Variants in LRRTM4 observed in about 807,000 individuals in gnomAD.
LRRTM4 encodes the protein leucine-rich repeat transmembrane neuronal protein 4.
Under a neutral mutation model 47.6 loss-of-function variants are expected in LRRTM4, and 25 were observed. That is an observed-to-expected ratio of 0.53 (90% CI 0.38 to 0.73). The LOEUF (loss-of-function observed/expected upper bound fraction) is 0.73, where lower values mean the gene tolerates loss of function less well. Ranked by LOEUF, LRRTM4 falls within the 30% of genes least tolerant of loss-of-function variation. LRRTM4 has a pLI of 0.00. For missense variants in LRRTM4, 638 were observed against 713.4 expected (o/e 0.89, Z 1.20); for synonymous variants, 311 against 269.5 (o/e 1.15, Z -1.51).
At position 77,239,001 on chromosome 2, in the gene LRRTM4, AT is replaced by A. The variant is rs1302802385; in HGVS notation, c.1551+279316del. On this transcript the variant is annotated intron_variant, in intron 3 of 3. Coordinates refer to ENST00000409884, the MANE Select transcript of LRRTM4 (RefSeq NM_001134745.3). The stretch of plus-strand genomic sequence containing the variant: ...TATATAAACCTACAAGGTACCCACA[AT>A]TTTTTTAAATAAAAAAATTTAAAAA... 2.6e-5 allele frequency among the ~76,000 whole-genome samples: 4 copies of A among 151,954 alleles called. No individual in the cohort carries two copies. In the East Asian group the frequency reaches 7.8e-4, roughly 29 times the overall value.
chr2:77,152,043 G>T (rs1039412453), intron 3 of LRRTM4, among the ~76,000 whole-genome samples: 4 of 152,162 alleles, frequency 2.6e-5, no homozygotes, highest in Admixed American at 1.3e-4. Flanking sequence ...AATATTAAAA[G>T]TTAGATGTAG....
chr2:76,829,563 C>A (rs994596396), intron 3 of LRRTM4, among the ~76,000 whole-genome samples: 1 of 151,964 alleles, frequency 6.6e-6, no homozygotes, highest in Non-Finnish European at 1.5e-5. Context: ...CTTCCCCTCA[C>A]TCTCTGTAAT....
chr2:76,759,942 T>C (rs1340612994), intron 3 of LRRTM4, among the ~76,000 whole-genome samples: 8 of 152,210 alleles, frequency 5.3e-5, no homozygotes, highest in African/African-American at 1.9e-4. Context: ...ATATTCTTAA[T>C]GATGCTCATG....
At chr2:77,482,677 C>A (rs1394330293) in intron 3 of LRRTM4, among the ~76,000 whole-genome samples, 1 of 151,946 alleles carries the variant, frequency 6.6e-6, no homozygotes, top group Non-Finnish European at 1.5e-5. Context: ...TACAAATAAC[C>A]GTGGTAATTA....
intron 3 of LRRTM4, among the ~76,000 whole-genome samples, chr2:77,315,508 G>A (rs1677593152): frequency 6.6e-6 from 1 of 152,024 alleles, no homozygotes; most frequent in Non-Finnish European, 1.5e-5. Flanking sequence ...GTAAAATACA[G>A]CTTTTAAAAA....
chr2:76,879,028 A>C (rs2104097286), intron 3 of LRRTM4, among the ~76,000 whole-genome samples: 3 of 152,304 alleles, frequency 2.0e-5, no homozygotes, highest in Admixed American at 2.0e-4. Flanking sequence ...TGCAGAAATA[A>C]AGTTCGAAGC....
At chr2:77,280,005 G>A (rs751644714) in intron 3 of LRRTM4, among the ~76,000 whole-genome samples, 9 of 151,990 alleles carry the variant, frequency 5.9e-5, no homozygotes, top group Admixed American at 1.3e-4. Context: ...CAGAACCTAT[G>A]ACCATGCTAG....
intron 3 of LRRTM4, among the ~76,000 whole-genome samples, chr2:76,913,413 A>G (rs553455568): frequency 3.5e-3 from 538 of 152,058 alleles, no homozygotes; most frequent in Non-Finnish European, 4.9e-3. Flanking sequence ...AACTAAATAT[A>G]TTACTGAGTC....
chr2:76,823,408 C>G (rs1387150785), intron 3 of LRRTM4, among the ~76,000 whole-genome samples: 1 of 151,378 alleles, frequency 6.6e-6, no homozygotes, highest in African/African-American at 2.4e-5. Flanking sequence ...ATTATTTATA[C>G]CTAACACACA....
intron 3 of LRRTM4, among the ~76,000 whole-genome samples, chr2:77,187,649 C>CA (rs1009838955): frequency 7.2e-5 from 11 of 151,970 alleles, no homozygotes; most frequent in East Asian, 3.9e-4. Flanking sequence ...AAACAAAATA[C>CA]AAAAAAAGAT....
At chr2:76,862,691 G>C (rs1402089489) in intron 3 of LRRTM4, among the ~76,000 whole-genome samples, 1 of 152,218 alleles carries the variant, frequency 6.6e-6, no homozygotes, top group East Asian at 1.9e-4. Context: ...GCATTGATAA[G>C]AGCAGAGGAT....
intron 3 of LRRTM4, among the ~76,000 whole-genome samples, chr2:77,228,906 T>A (rs990064164): frequency 2.0e-5 from 3 of 152,134 alleles, no homozygotes; most frequent in Admixed American, 6.6e-5. Context: ...TGTCTCCCAG[T>A]AAACCAGGAG....
rs115365444 is a variant in LRRTM4, at chr2:77,494,317, T to C, written c.1551+24001A>G. On this transcript the variant is annotated intron_variant, in intron 3 of 3. Transcript: ENST00000409884. ...CAACTTCATCTGTTTGTTTTTGGTT[T>C]TGACCTTCAGGCAATCCACTCCCTA... Among the ~76,000 whole-genome samples, 314 of 152,190 alleles carry C rather than the reference T, an allele frequency of 2.1e-3. 1 individual carries two copies. The highest frequency in any genetic ancestry group is 7.0e-3 in the African/African-American group (290 of 41,530).
chr2:77,374,093 T>G (rs184227509), intron 3 of LRRTM4, among the ~76,000 whole-genome samples: 8 of 151,856 alleles, frequency 5.3e-5, no homozygotes, highest in Admixed American at 1.3e-4. Context: ...TGTCTACCAT[T>G]TCTACTGCTG....
chr2:77,029,330 G>A (rs940262046), intron 3 of LRRTM4, among the ~76,000 whole-genome samples: 2 of 151,964 alleles, frequency 1.3e-5, no homozygotes, highest in Non-Finnish European at 2.9e-5. Flanking sequence ...GCCAGTCCGA[G>A]TCCCAAAACC....
chr2:77,344,551 C>A (rs369162992), intron 3 of LRRTM4, among the ~76,000 whole-genome samples: 11 of 151,600 alleles, frequency 7.3e-5, no homozygotes, highest in Non-Finnish European at 1.0e-4. Flanking sequence ...CCTTACGAAC[C>A]TTTAGGTCAA....
chr2:77,263,842 G>T (rs1469266692), intron 3 of LRRTM4, among the ~76,000 whole-genome samples: 1 of 151,892 alleles, frequency 6.6e-6, no homozygotes. Context: ...TTTATACCTA[G>T]ATTTCACATG....
intron 3 of LRRTM4, among the ~76,000 whole-genome samples, chr2:77,220,626 G>A (rs546939796): frequency 6.6e-6 from 1 of 152,280 alleles, no homozygotes; most frequent in East Asian, 1.9e-4. Context: ...TGAAATGAAT[G>A]AAATGAAGTG....
At chr2:77,134,584 T>C (rs1336279781) in intron 3 of LRRTM4, among the ~76,000 whole-genome samples, 1 of 152,190 alleles carries the variant, frequency 6.6e-6, no homozygotes, top group Non-Finnish European at 1.5e-5. Context: ...CTATGTCTGA[T>C]TTCTTATAAC....
Sources: gnomAD v4.1 joint callset for allele counts (sites outside exome capture counted in the v4.1 genomes callset) on GRCh38, gnomAD v4.1.1 for gene constraint, MANE v1.5 for transcripts, NCBI Gene and HGNC (gene_info 2026-07-23, HGNC 2026-07-21) for gene names.